The following GSK3B variants were observed in gnomAD, a reference collection of about 807,000 sequenced individuals.
GSK3B encodes the protein glycogen synthase kinase 3 beta.
In GSK3B, 15 loss-of-function variants were observed where a neutral mutation model predicts 56.4. That is an observed-to-expected ratio of 0.27 (90% CI 0.18 to 0.41). GSK3B has a LOEUF of 0.41. GSK3B is among the 10% of genes least tolerant of loss of function. The pLI is 1.00. For synonymous variants in GSK3B, 181 were observed against 188.9 expected, an observed-to-expected ratio of 0.96 and a Z score of 0.34; for missense variants, 300 against 513.4, an observed-to-expected ratio of 0.58 and a Z score of 4.02.
intron 2 of GSK3B, among the ~76,000 whole-genome samples, chr3:119,977,265 C>T (rs972293674): frequency 2.6e-5 from 4 of 152,112 alleles, no homozygotes; most frequent in Non-Finnish European, 1.5e-5. Context: ...TTTAATGAAA[C>T]TTTGTATGAA....
At chr3:119,889,027 A>T (rs983212969) in intron 7 of GSK3B, among the ~76,000 whole-genome samples, 19 of 151,990 alleles carry the variant, frequency 1.3e-4, no homozygotes, top group Non-Finnish European at 2.9e-5. Context: ...CAGAACATAG[A>T]CCCTTATCAA....
In GSK3B at chr3:119,821,802, A is replaced by C. The variant is rs1559794589; in HGVS notation, c.*4986T>G. 3 of 165,460 alleles carry C rather than the reference A, an allele frequency of 1.8e-5. No homozygotes were observed. Among genetic ancestry groups the C allele is most frequent in the East Asian group, 2.6e-4 (2 of 7,806 alleles). The allele number at this position is 165,460 out of a possible 1,614,324, so 10.2% of individuals were successfully genotyped here. A position where few individuals can be genotyped will look rare whatever the true frequency, so the allele number is the denominator to read the frequency against. On this transcript the variant is annotated 3_prime_UTR_variant, in exon 11 of 11. Transcript: ENST00000264235. Reference sequence around the variant, plus strand: ...AATAAAATCATTGGAAAGAACAAGAAGTGGTATTGATATCTTGTTCTGTAT... The same window carrying C: ...AATAAAATCATTGGAAAGAACAAGACGTGGTATTGATATCTTGTTCTGTAT...
chr3:119,951,195 C>T (rs949205665), intron 2 of GSK3B, among the ~76,000 whole-genome samples: 2 of 152,094 alleles, frequency 1.3e-5, no homozygotes, highest in African/African-American at 2.4e-5. Context: ...AACAGAGCCC[C>T]GGAGAAAGTA....
rs1215520687 is a variant in GSK3B at position 119,859,759 on chromosome 3, C to A, written c.1096+3660G>T. ...CCTGCTTTTCTCGTGTCCAGATACT[C>A]TTACCCCCCGCCCCAAAATATTCAG... On this transcript the variant is annotated intron_variant, in intron 9 of 10. Coordinates refer to ENST00000264235, the MANE Select transcript of GSK3B (RefSeq NM_001146156.2). Among the ~76,000 whole-genome samples, 5 of 152,108 alleles carry A rather than the reference C, an allele frequency of 3.3e-5. No homozygotes were observed. In the East Asian group the frequency reaches 9.6e-4, roughly 29 times the overall value.
intron 9 of GSK3B, among the ~76,000 whole-genome samples, chr3:119,845,511 A>T (rs1330081133): frequency 6.6e-6 from 1 of 152,214 alleles, no homozygotes; most frequent in Non-Finnish European, 1.5e-5. Context: ...ACATTCTTAT[A>T]CACCAATAAC....
intron 8 of GSK3B, among the ~76,000 whole-genome samples, chr3:119,865,002 G>C (rs2056158318): frequency 6.6e-6 from 1 of 152,016 alleles, no homozygotes; most frequent in South Asian, 2.1e-4. Context: ...ACTCTGACTC[G>C]CCTCAGTCAA....
intron 2 of GSK3B, among the ~76,000 whole-genome samples, chr3:119,962,671 C>T (rs1207675127): frequency 6.6e-6 from 1 of 152,130 alleles, no homozygotes. Flanking sequence ...TAAATTCAGT[C>T]AAGTTGCAGG....
At chr3:119,999,897 C>T (rs1376752223) in intron 2 of GSK3B, among the ~76,000 whole-genome samples, 1 of 152,164 alleles carries the variant, frequency 6.6e-6, no homozygotes, top group East Asian at 1.9e-4. Context: ...TTTCTGCGTA[C>T]ACAAGTAAAC....
intron 7 of GSK3B, among the ~76,000 whole-genome samples, chr3:119,888,169 G>A (rs1167071008): frequency 6.6e-6 from 1 of 152,154 alleles, no homozygotes; most frequent in East Asian, 1.9e-4. Context: ...GTAAATATGT[G>A]GTTAAATGTA....
chr3:119,983,727 A>G (rs1365574653), intron 2 of GSK3B, among the ~76,000 whole-genome samples: 1 of 152,204 alleles, frequency 6.6e-6, no homozygotes, highest in Non-Finnish European at 1.5e-5. Context: ...GGAGACCTAC[A>G]AAGAGACTTA....
intron 2 of GSK3B, among the ~76,000 whole-genome samples, chr3:119,989,856 A>C (rs1044231886): frequency 1.3e-5 from 2 of 152,046 alleles, no homozygotes; most frequent in Non-Finnish European, 2.9e-5. Context: ...ACAACTACCC[A>C]AAAACATCTA....
At chr3:120,086,931 C>G in intron 1 of GSK3B, among the ~76,000 whole-genome samples, 1 of 152,214 alleles carries the variant, frequency 6.6e-6, no homozygotes, top group East Asian at 1.9e-4. Flanking sequence ...CCCTAATCAT[C>G]CATTCTTTTC....
chr3:119,875,786 A>G (rs1044358708), intron 8 of GSK3B, among the ~76,000 whole-genome samples: 2 of 149,960 alleles, frequency 1.3e-5, no homozygotes, highest in African/African-American at 2.4e-5. Context: ...ATACCAAAGG[A>G]AAAAAAAAAG....
At chr3:120,048,989 T>C (rs1445818816) in intron 1 of GSK3B, among the ~76,000 whole-genome samples, 1 of 152,208 alleles carries the variant, frequency 6.6e-6, no homozygotes, top group East Asian at 1.9e-4. Flanking sequence ...TCCCTATACA[T>C]GTCAAGGGAA....
intron 2 of GSK3B, among the ~76,000 whole-genome samples, chr3:119,957,431 T>A (rs1353619409): frequency 2.0e-5 from 3 of 152,220 alleles, no homozygotes; most frequent in Non-Finnish European, 4.4e-5. Flanking sequence ...GACTTTTATA[T>A]CCTGACAGGT....
intron 8 of GSK3B, among the ~76,000 whole-genome samples, chr3:119,869,725 C>A (rs2056229095): frequency 1.3e-5 from 2 of 152,306 alleles, no homozygotes; most frequent in South Asian, 4.1e-4. Flanking sequence ...CAAATGTTTT[C>A]CCTCATCAAC....
At chr3:119,932,438 C>T (rs1485012709) in intron 3 of GSK3B, among the ~76,000 whole-genome samples, 1 of 150,298 alleles carries the variant, frequency 6.7e-6, no homozygotes, top group Non-Finnish European at 1.5e-5. Context: ...TAGCATACAA[C>T]GATTAAGGCA....
rs192177624 is a variant in GSK3B at position 119,945,031 on chromosome 3, G to T, written c.366+2237C>A. Reference sequence around the variant, plus strand: ...AAGAATCCATCTTCTCCTATGGGAAGAAATAGTTTACTACTTGATCTCCTG... The same window carrying T: ...AAGAATCCATCTTCTCCTATGGGAATAAATAGTTTACTACTTGATCTCCTG... On this transcript the variant is annotated intron_variant, in intron 3 of 10. Transcript: ENST00000264235. 2.8e-3 allele frequency among the ~76,000 whole-genome samples: 431 copies of T among 152,310 alleles called. 1 individual carries two copies. The highest frequency in any genetic ancestry group is 0.027 in the Middle Eastern group (8 of 294).
chr3:120,033,326 G>A (rs1175443365), intron 1 of GSK3B, among the ~76,000 whole-genome samples: 1 of 152,030 alleles, frequency 6.6e-6, no homozygotes, highest in Non-Finnish European at 1.5e-5. Flanking sequence ...TGAACATATG[G>A]GTATATATAA....
Sources: gnomAD v4.1 joint callset for allele counts (sites outside exome capture counted in the v4.1 genomes callset) on GRCh38, gnomAD v4.1.1 for gene constraint, MANE v1.5 for transcripts, NCBI Gene and HGNC (gene_info 2026-07-23, HGNC 2026-07-21) for gene names.